The following PLPPR4 variants were observed in gnomAD, a reference collection of about 807,000 sequenced individuals.
PLPPR4 encodes phospholipid phosphatase-related protein type 4.
Under a neutral mutation model 56.6 loss-of-function variants are expected in PLPPR4, and 24 were observed. The observed-to-expected ratio is 0.42, with a 90% CI of 0.31 to 0.60. The LOEUF is 0.60. Among genes scored for constraint, PLPPR4 ranks in the 20% least tolerant of loss-of-function variants. The pLI is 0.13. For synonymous variants in PLPPR4, 326 were observed against 328.1 expected (o/e 0.99, Z 0.07); for missense variants, 654 against 885.8 (o/e 0.74, Z 3.32).
chr1:99,296,791 G>A lies in PLPPR4; in HGVS notation c.318G>A (p.Gly106=). The A allele has an allele frequency of 6.2e-7, 1 of 1,606,156 alleles. No individual in the cohort carries two copies. Among genetic ancestry groups the A allele is most frequent in the Non-Finnish European group, 8.5e-7 (1 of 1,174,582 alleles). ...LYCCLSKRRN[G]VGLEPNINAG... ...GTTGCCTCTCCAAAAGAAGAAATGGGGTCGGACTAGAGCCCAACATTAATG... is the reference window on the plus strand; with the variant it reads ...GTTGCCTCTCCAAAAGAAGAAATGGAGTCGGACTAGAGCCCAACATTAATG... Residue 106 remains glycine (G), a synonymous_variant, in exon 3 of 7, where the codon GGG becomes GGA. Coordinates refer to ENST00000370185, the MANE Select transcript of PLPPR4 (RefSeq NM_014839.5).
intron 5 of PLPPR4, among the ~76,000 whole-genome samples, chr1:99,301,406 T>C (rs898319704): frequency 6.6e-6 from 1 of 152,070 alleles, no homozygotes; most frequent in Admixed American, 6.6e-5. Context: ...TTTTATCTAA[T>C]TTGTACAATA....
At position 99,264,811 on chromosome 1, in the gene PLPPR4, C is replaced by T. The variant is rs1658849480; in HGVS notation, c.78+140C>T. 1.3e-5 allele frequency: 11 copies of T among 839,464 alleles called. No homozygotes were observed. The South Asian group carries it at 1.6e-4, about 12-fold the overall frequency. 52.0% of individuals were successfully genotyped at this position (839,464 alleles called of 1,614,324 possible). A position where few individuals can be genotyped will look rare whatever the true frequency, so the allele number is the denominator to read the frequency against. ...CCCAAATGCCCGACCCTCCCCTCTT[C>T]CCCTAGATTTCACAGCAGCTCCCCG... On this transcript the variant is annotated intron_variant, in intron 1 of 6. Coordinates refer to ENST00000370185, the MANE Select transcript of PLPPR4 (RefSeq NM_014839.5).
chr1:99,274,184 A>G (rs1329667597), intron 1 of PLPPR4, among the ~76,000 whole-genome samples: 1 of 151,994 alleles, frequency 6.6e-6, no homozygotes, highest in Non-Finnish European at 1.5e-5. Flanking sequence ...TTTTAAAAGA[A>G]TATAGTTTTC....
chr1:99,301,962 G>T (rs1659892472), intron 6 of PLPPR4, 65 bp downstream of exon 6: 1 of 1,184,688 alleles, frequency 8.4e-7, no homozygotes, highest in Middle Eastern at 2.0e-4. Context: ...AGAATATTTT[G>T]CACTATAATA....
intron 1 of PLPPR4, among the ~76,000 whole-genome samples, chr1:99,269,748 T>C (rs565185054): frequency 2.3e-4 from 35 of 152,202 alleles, no homozygotes; most frequent in Non-Finnish European, 2.5e-4. Flanking sequence ...GCTTGACCTA[T>C]ATGCAAATAT....
upstream of PLPPR4, chr1:99,263,894 G>C (rs1199522069): frequency 2.0e-5 from 3 of 152,426 alleles, no homozygotes; most frequent in Non-Finnish European, 2.9e-5. Flanking sequence ...GTGTTTGTTA[G>C]TGGGTGCTTC....
chr1:99,281,866 TA>T (rs998035975), intron 1 of PLPPR4, among the ~76,000 whole-genome samples: 1 of 152,208 alleles, frequency 6.6e-6, no homozygotes, highest in Non-Finnish European at 1.5e-5. Flanking sequence ...AAATCTTCCT[TA>T]ATCTCTTAGA....
chr1:99,278,633 A>T (rs1008227053), intron 1 of PLPPR4, among the ~76,000 whole-genome samples: 1 of 152,190 alleles, frequency 6.6e-6, no homozygotes, highest in Non-Finnish European at 1.5e-5. Flanking sequence ...GTGTCTAATT[A>T]TGTAAGAAGA....
chr1:99,284,794 G>GTA (rs1659421032), intron 1 of PLPPR4, among the ~76,000 whole-genome samples: 1 of 152,066 alleles, frequency 6.6e-6, no homozygotes, highest in Non-Finnish European at 1.5e-5. Context: ...TGGCATATAT[G>GTA]TATATATAGA....
In PLPPR4 at chr1:99,306,722, G is replaced by A. The variant is rs758285348; in HGVS notation, c.1860G>A (p.Arg620=). The A allele has an allele frequency of 1.6e-5, 26 of 1,613,832 alleles. No individual in the cohort carries two copies. The highest frequency in any genetic ancestry group is 2.2e-5 in the Non-Finnish European group (26 of 1,179,974). Residue 620 remains arginine (R), a synonymous_variant, in exon 7 of 7, where the codon AGG becomes AGA. Transcript: ENST00000370185. This position sits in a 1 kb window ranked among gnomAD's most constrained non-coding sequence, Gnocchi z 4.0. ...RQTYELNDLN[R]DSESCESLKD... ...CTTACGAGCTCAACGATCTCAACAGGGACTCAGAAAGCTGTGAGTCTCTGA... is the reference window on the plus strand; with the variant it reads ...CTTACGAGCTCAACGATCTCAACAGAGACTCAGAAAGCTGTGAGTCTCTGA...
chr1:99,283,866 C>A (rs572634534), intron 1 of PLPPR4, among the ~76,000 whole-genome samples: 3 of 152,074 alleles, frequency 2.0e-5, no homozygotes, highest in African/African-American at 4.8e-5. Context: ...GCAGGAGAAT[C>A]GCTTGAACTC....
chr1:99,280,338 A>T (rs1475518975), intron 1 of PLPPR4, among the ~76,000 whole-genome samples: 2 of 152,224 alleles, frequency 1.3e-5, no homozygotes, highest in Non-Finnish European at 2.9e-5. Flanking sequence ...TATACAGTGT[A>T]GATTGAATAT....
Position 99,308,028 on chromosome 1 carries a change from G to A in PLPPR4, c.*1018G>A, listed in dbSNP as rs1156784939. ...GAAATCTGAGCCAAAACTTGACATT[G>A]TGGGTTACATTGCCAGAAATGTTGG... On this transcript the variant is annotated 3_prime_UTR_variant, in exon 7 of 7. Coordinates refer to ENST00000370185, the MANE Select transcript of PLPPR4 (RefSeq NM_014839.5). The A allele has an allele frequency of 6.6e-6, 1 of 152,206 alleles. No individual in the cohort carries two copies. Among genetic ancestry groups the A allele is most frequent in the Non-Finnish European group, 1.5e-5 (1 of 68,034 alleles). 9.4% of individuals were successfully genotyped at this position (152,206 alleles called of 1,614,324 possible). A position where few individuals can be genotyped will look rare whatever the true frequency, so the allele number is the denominator to read the frequency against.
intron 1 of PLPPR4, among the ~76,000 whole-genome samples, chr1:99,265,117 A>G (rs1658857370): frequency 6.7e-6 from 1 of 149,870 alleles, no homozygotes; most frequent in African/African-American, 2.5e-5. Context: ...CATAGTACAA[A>G]TATTGTTAAT....
At chr1:99,284,837 A>G (rs1001918749) in intron 1 of PLPPR4, among the ~76,000 whole-genome samples, 1 of 152,150 alleles carries the variant, frequency 6.6e-6, no homozygotes, top group African/African-American at 2.4e-5. Context: ...AGTCACTATA[A>G]CGTGTATCAG....
intron 1 of PLPPR4, among the ~76,000 whole-genome samples, chr1:99,276,738 C>T (rs1272479749): frequency 6.6e-6 from 1 of 152,134 alleles, no homozygotes; most frequent in Non-Finnish European, 1.5e-5. Flanking sequence ...TCCTAAAGTA[C>T]TGATGCTAAT....
intron 1 of PLPPR4, among the ~76,000 whole-genome samples, chr1:99,266,005 A>G (rs1439121779): frequency 1.3e-5 from 2 of 152,234 alleles, no homozygotes; most frequent in African/African-American, 2.4e-5. Context: ...TAAAATAATG[A>G]ATCCATTTAT....
chr1:99,289,786 G>T lies in PLPPR4; in HGVS notation c.264+1636G>T, dbSNP rs527770671. Among the ~76,000 whole-genome samples the T allele has an allele frequency of 3.3e-5, 5 of 152,094 alleles. No homozygotes were observed. The South Asian group carries it at 8.3e-4, about 25-fold the overall frequency. ...ACTCTCAATAAACTAGGTATTGAGG[G>T]AACATACCTCAAAATAATAACAGCC... On this transcript the variant is annotated intron_variant, in intron 2 of 6. Transcript: ENST00000370185.
chr1:99,308,255 A>G lies in PLPPR4; in HGVS notation c.*1245A>G, dbSNP rs1660096326. On this transcript the variant is annotated 3_prime_UTR_variant, in exon 7 of 7. Transcript: ENST00000370185. The stretch of plus-strand genomic sequence containing the variant: ...GACACCAAGAGGAAGAATCTGAAAA[A>G]AAAATGCATGTTGGTAAGTAAAAGT... 1 of 152,212 alleles carries G rather than the reference A, an allele frequency of 6.6e-6. No individual in the cohort carries two copies. The highest frequency in any genetic ancestry group is 6.6e-5 in the Admixed American group (1 of 15,266). The allele number at this position is 152,212 out of a possible 1,614,324, so 9.4% of individuals were successfully genotyped here.
Sources: allele counts gnomAD v4.1 joint callset (sites outside exome capture counted in the v4.1 genomes callset), GRCh38; gene constraint gnomAD v4.1.1; non-coding constraint Gnocchi (gnomAD v3.1); transcripts MANE v1.5; gene names NCBI Gene and HGNC (gene_info 2026-07-23, HGNC 2026-07-21).